Variants in CNTN5 observed in about 807,000 individuals in gnomAD.
CNTN5 encodes the protein contactin 5.
CNTN5 carries 77 observed loss-of-function variants against 129.1 expected under a neutral mutation model. The ratio of observed to expected loss-of-function variants is 0.60; its 90% CI spans 0.50 to 0.72. CNTN5 has a LOEUF of 0.72. Ranked by LOEUF, CNTN5 falls within the 30% of genes least tolerant of loss-of-function variation. The probability of loss-of-function intolerance (pLI) is 0.00; values close to 1 mark genes in which losing one functional copy is unlikely to be tolerated. For synonymous variants in CNTN5, 509 were observed against 465.6 expected, an observed-to-expected ratio of 1.09 and a Z score of -1.20; for missense variants, 1,478 against 1,328.8, an observed-to-expected ratio of 1.11 and a Z score of -1.75.
At chr11:99,466,031 G>T (rs1213389858) in intron 2 of CNTN5, among the ~76,000 whole-genome samples, 1 of 151,984 alleles carries the variant, frequency 6.6e-6, no homozygotes, top group African/African-American at 2.4e-5. Context: ...ACAGGTGTCC[G>T]CCACCATGCC....
chr11:99,982,626 T>G (rs1476843859), intron 8 of CNTN5, among the ~76,000 whole-genome samples: 2 of 151,954 alleles, frequency 1.3e-5, no homozygotes, highest in South Asian at 2.1e-4. Context: ...CAGGTCAAAT[T>G]TATTTATTTT....
intron 13 of CNTN5, among the ~76,000 whole-genome samples, chr11:100,088,722 T>A (rs111620210): frequency 1.3e-5 from 2 of 152,084 alleles, no homozygotes; most frequent in African/African-American, 4.8e-5. Context: ...CAGTATCCAG[T>A]TCCAAAATGC....
At chr11:99,133,891 G>C (rs189433736) in intron 1 of CNTN5, among the ~76,000 whole-genome samples, 4 of 152,266 alleles carry the variant, frequency 2.6e-5, no homozygotes, top group Admixed American at 2.6e-4. Flanking sequence ...ATTTGACCCA[G>C]CAATCCCATT....
intron 2 of CNTN5, among the ~76,000 whole-genome samples, chr11:99,512,580 C>T (rs7927427): frequency 0.058 from 8,783 of 152,156 alleles, 265 homozygotes; most frequent in South Asian, 0.08. Context: ...CTGTTAGTGC[C>T]ATTTTTTCAA....
In CNTN5 at chr11:99,640,759, A is replaced by G. The variant is rs542173488; in HGVS notation, c.55+84490A>G. Among the ~76,000 whole-genome samples, 6 of 152,292 alleles carry G rather than the reference A, an allele frequency of 3.9e-5. No individual in the cohort carries two copies. In the South Asian group the frequency reaches 1.2e-3, roughly 32 times the overall value. ...AAGTATGTAGTAAGCTGTACTACCTAGGTTTGTGTAAGTATACTCTGATAT... is the reference window on the plus strand; with the variant it reads ...AAGTATGTAGTAAGCTGTACTACCTGGGTTTGTGTAAGTATACTCTGATAT... On this transcript the variant is annotated intron_variant, in intron 3 of 24. Transcript: ENST00000524871.
chr11:100,291,060 A>G (rs1467696624), intron 18 of CNTN5, among the ~76,000 whole-genome samples: 2 of 148,312 alleles, frequency 1.3e-5, no homozygotes, highest in African/African-American at 4.9e-5. Flanking sequence ...ACAATGAGAT[A>G]CCATCTCACA....
At chr11:100,223,063 G>T (rs1949298606) in intron 15 of CNTN5, among the ~76,000 whole-genome samples, 2 of 152,152 alleles carry the variant, frequency 1.3e-5, no homozygotes, top group Non-Finnish European at 2.9e-5. Flanking sequence ...ACTTAGTCTA[G>T]TGAAGAAGAG....
intron 2 of CNTN5, among the ~76,000 whole-genome samples, chr11:99,545,112 AT>A (rs1343771546): frequency 6.6e-6 from 1 of 152,174 alleles, no homozygotes; most frequent in Non-Finnish European, 1.5e-5. Context: ...TGTTTGGCTT[AT>A]TTTTTATCAG....
intron 1 of CNTN5, among the ~76,000 whole-genome samples, chr11:99,032,402 A>G (rs951296735): frequency 3.3e-5 from 5 of 149,606 alleles, no homozygotes; most frequent in Admixed American, 6.7e-5. Flanking sequence ...AAGTGTTCCT[A>G]TTTCTCCACA....
At chr11:99,667,347 CTGAGT>C (rs1457993777) in intron 3 of CNTN5, among the ~76,000 whole-genome samples, 8 of 152,020 alleles carry the variant, frequency 5.3e-5, no homozygotes, top group Non-Finnish European at 8.8e-5. Context: ...ACTCACCTTC[CTGAGT>C]TATGTATAAT....
intron 3 of CNTN5, among the ~76,000 whole-genome samples, chr11:99,765,435 G>T (rs1309899298): frequency 1.3e-5 from 2 of 151,672 alleles, no homozygotes; most frequent in East Asian, 3.9e-4. Context: ...CTTTAGTAGG[G>T]ATCATAAGAC....
chr11:99,092,930 T>C (rs1171534994), intron 1 of CNTN5, among the ~76,000 whole-genome samples: 1 of 152,106 alleles, frequency 6.6e-6, no homozygotes, highest in Non-Finnish European at 1.5e-5. Flanking sequence ...TTACATTAAC[T>C]GTTTAAGAAA....
chr11:99,700,038 C>T (rs1247553404), intron 3 of CNTN5, among the ~76,000 whole-genome samples: 3 of 151,292 alleles, frequency 2.0e-5, no homozygotes, highest in African/African-American at 4.8e-5. Context: ...TGATATTGGC[C>T]TCCATGGTTC....
At chr11:100,234,051 C>T (rs144656048) in intron 16 of CNTN5, among the ~76,000 whole-genome samples, 3 of 152,270 alleles carry the variant, frequency 2.0e-5, no homozygotes, top group Admixed American at 6.5e-5. Context: ...AAAAGCTCAT[C>T]GTCACTGGTC....
chr11:100,032,261 CT>C (rs1229331427), intron 9 of CNTN5, among the ~76,000 whole-genome samples: 4 of 151,906 alleles, frequency 2.6e-5, no homozygotes, highest in Non-Finnish European at 5.9e-5. Context: ...TGTTCTAGTG[CT>C]TTTTTTGCTG....
rs562510373 is a variant in CNTN5 at position 100,262,571 on chromosome 11, A to G, written c.2164+6653A>G. On this transcript the variant is annotated intron_variant, in intron 17 of 24. Coordinates refer to ENST00000524871, the MANE Select transcript of CNTN5 (RefSeq NM_014361.4). The stretch of plus-strand genomic sequence containing the variant: ...CCCATCAATGATAGCCTGGATGAAG[A>G]AAATGTGGCACATATATGCCATGGA... Among the ~76,000 whole-genome samples, 160 of 152,350 alleles carry G rather than the reference A, an allele frequency of 1.1e-3. 1 individual carries two copies. The South Asian group carries it at 0.015, about 14-fold the overall frequency.
At chr11:99,969,644 G>T (rs1007455523) in intron 8 of CNTN5, among the ~76,000 whole-genome samples, 2 of 151,988 alleles carry the variant, frequency 1.3e-5, no homozygotes, top group Non-Finnish European at 2.9e-5. Context: ...TATTCTGACC[G>T]CTCTGTAGTC....
At chr11:99,686,735 G>A (rs1052672898) in intron 3 of CNTN5, among the ~76,000 whole-genome samples, 1 of 152,118 alleles carries the variant, frequency 6.6e-6, no homozygotes, top group African/African-American at 2.4e-5. Context: ...AGTGTGGGCT[G>A]TCTTCCCACT....
At chr11:100,115,115 T>TAAAAAAAAAAA (rs11388029) in intron 13 of CNTN5, among the ~76,000 whole-genome samples, 4 of 78,376 alleles carry the variant, frequency 5.1e-5, no homozygotes, top group Admixed American at 1.7e-4. Context: ...AGGTATACAG[T>TAAAAAAAAAAA]AAAAAAAAAA....
Sources: gnomAD v4.1 joint callset for allele counts (sites outside exome capture counted in the v4.1 genomes callset) on GRCh38, gnomAD v4.1.1 for gene constraint, MANE v1.5 for transcripts, NCBI Gene and HGNC (gene_info 2026-07-23, HGNC 2026-07-21) for gene names.